The following TSHZ2 variants were observed in gnomAD, a reference collection of about 807,000 sequenced individuals.
TSHZ2 encodes the protein teashirt homolog 2.
A neutral mutation model predicts 74.4 loss-of-function variants in TSHZ2; 21 were observed. The ratio of observed to expected loss-of-function variants is 0.28; its 90% confidence interval spans 0.20 to 0.41. The LOEUF (loss-of-function observed/expected upper bound fraction) is 0.41, where lower values mean the gene tolerates loss of function less well. TSHZ2 is among the 10% of genes least tolerant of loss of function. TSHZ2 has a pLI of 1.00. For missense variants in TSHZ2, 1,244 were observed against 1,293.5 expected (o/e 0.96, Z 0.59); for synonymous variants, 540 against 515.3 (o/e 1.05, Z -0.65).
At chr20:53,200,593 G>A (rs558301309) in intron 1 of TSHZ2, among the ~76,000 whole-genome samples, 96 of 152,328 alleles carry the variant, frequency 6.3e-4, no homozygotes, top group African/African-American at 2.2e-3. Flanking sequence ...GGATGAGGAT[G>A]TTCTGTAAGA....
At chr20:53,345,356 G>A (rs531561396) in intron 2 of TSHZ2, among the ~76,000 whole-genome samples, 128 of 152,210 alleles carry the variant, frequency 8.4e-4, no homozygotes, top group African/African-American at 3.1e-3. Flanking sequence ...AGCTCTTGGT[G>A]GTTGGGAGAA....
At chr20:53,021,951 T>C (rs2123035332) in intron 1 of TSHZ2, among the ~76,000 whole-genome samples, 1 of 152,304 alleles carries the variant, frequency 6.6e-6, no homozygotes, top group Non-Finnish European at 1.5e-5. Context: ...TTTTCTTCTT[T>C]CTTCTTCCAA....
At chr20:53,023,749 TG>T (rs1335372275) in intron 1 of TSHZ2, among the ~76,000 whole-genome samples, 6 of 152,182 alleles carry the variant, frequency 3.9e-5, no homozygotes, top group Admixed American at 2.0e-4. Context: ...TATTCAAACC[TG>T]TGGGAAACAG....
At chr20:53,094,268 T>G (rs957601135) in intron 1 of TSHZ2, among the ~76,000 whole-genome samples, 17 of 152,234 alleles carry the variant, frequency 1.1e-4, no homozygotes, top group African/African-American at 4.1e-4. Flanking sequence ...AAATCCCATG[T>G]TTGATACGCT....
At chr20:53,132,489 A>G (rs1317204133) in intron 1 of TSHZ2, among the ~76,000 whole-genome samples, 1 of 152,050 alleles carries the variant, frequency 6.6e-6, no homozygotes, top group Non-Finnish European at 1.5e-5. Flanking sequence ...TATGTTGGCC[A>G]GGCTGGTCTC....
intron 2 of TSHZ2, among the ~76,000 whole-genome samples, chr20:53,373,537 T>C (rs1466955024): frequency 1.3e-5 from 2 of 152,086 alleles, no homozygotes; most frequent in Admixed American, 1.3e-4. Context: ...CTCAATCCAG[T>C]GGAAATGGGG....
At chr20:53,108,144 G>A (rs1444311519) in intron 1 of TSHZ2, among the ~76,000 whole-genome samples, 2 of 152,170 alleles carry the variant, frequency 1.3e-5, no homozygotes, top group African/African-American at 4.8e-5. Flanking sequence ...ATTTTTAAAT[G>A]CATCCCAACC....
At chr20:53,403,201 G>A (rs370716141) in intron 2 of TSHZ2, among the ~76,000 whole-genome samples, 35 of 152,162 alleles carry the variant, frequency 2.3e-4, no homozygotes, top group African/African-American at 8.4e-4. Context: ...ATGGCCTCCA[G>A]TTCCATCCAT....
At chr20:53,011,773 T>C (rs1444569388) in intron 1 of TSHZ2, among the ~76,000 whole-genome samples, 3 of 152,192 alleles carry the variant, frequency 2.0e-5, no homozygotes, top group African/African-American at 4.8e-5. Context: ...TTCTTTACAC[T>C]GGGAAAATCG....
intron 1 of TSHZ2, among the ~76,000 whole-genome samples, chr20:53,190,093 A>ATATATATATATATATG (rs2123538675): frequency 4.2e-5 from 1 of 23,988 alleles, no homozygotes; most frequent in East Asian, 1.8e-3. Flanking sequence ...TCAAATATAT[A>ATATATATATATATATG]TATATATATA....
At chr20:53,401,025 G>A (rs988167104) in intron 2 of TSHZ2, 3 of 152,204 alleles carry the variant, frequency 2.0e-5, no homozygotes, top group African/African-American at 7.2e-5. Context: ...TTTGACCAAT[G>A]AGGCTCCTGA....
At chr20:53,405,753 C>CAGG (rs1031237100) in intron 2 of TSHZ2, among the ~76,000 whole-genome samples, 5 of 152,080 alleles carry the variant, frequency 3.3e-5, no homozygotes, top group African/African-American at 1.2e-4. Flanking sequence ...GCCAGCATTT[C>CAGG]AGGAGGCCAA....
chr20:53,375,890 T>G (rs1029257299), intron 2 of TSHZ2, among the ~76,000 whole-genome samples: 11 of 152,212 alleles, frequency 7.2e-5, no homozygotes, highest in African/African-American at 2.7e-4. Flanking sequence ...CTTCATTTCT[T>G]TATTTATTAT....
intron 2 of TSHZ2, among the ~76,000 whole-genome samples, chr20:53,257,623 A>G (rs1386942634): frequency 2.6e-5 from 4 of 152,074 alleles, no homozygotes; most frequent in Non-Finnish European, 5.9e-5. Flanking sequence ...TGTTTTCTCT[A>G]CTTCTTTTTC....
chr20:53,055,347 G>C (rs2123145939), intron 1 of TSHZ2, among the ~76,000 whole-genome samples: 1 of 152,288 alleles, frequency 6.6e-6, no homozygotes, highest in Middle Eastern at 3.4e-3. Context: ...TTCAGAGTTA[G>C]GAGACAGGAC....
chr20:53,057,600 G>C (rs1437281136), intron 1 of TSHZ2, among the ~76,000 whole-genome samples: 3 of 151,576 alleles, frequency 2.0e-5, no homozygotes, highest in African/African-American at 7.3e-5. Context: ...ATGCATATTT[G>C]GTCATATCCC....
intron 2 of TSHZ2, among the ~76,000 whole-genome samples, chr20:53,315,076 G>A (rs1463439393): frequency 1.3e-5 from 2 of 152,220 alleles, no homozygotes; most frequent in South Asian, 2.1e-4. Flanking sequence ...AAAAGGAGAT[G>A]CAGACCCTAC....
At chr20:53,268,443 A>G (rs1320555352) in intron 2 of TSHZ2, among the ~76,000 whole-genome samples, 1 of 152,184 alleles carries the variant, frequency 6.6e-6, no homozygotes, top group Non-Finnish European at 1.5e-5. Flanking sequence ...CTCAAGCAGG[A>G]GGAGAAAAGA....
intron 2 of TSHZ2, among the ~76,000 whole-genome samples, chr20:53,441,704 T>TC (rs59369784): frequency 0.43 from 65,518 of 151,906 alleles, 15,869 homozygotes; most frequent in African/African-American, 0.64. Flanking sequence ...TGCCTCAGCC[T>TC]CCGAGTAGCT....
Sources: allele counts gnomAD v4.1 joint callset (sites outside exome capture counted in the v4.1 genomes callset), GRCh38; gene constraint gnomAD v4.1.1; transcripts MANE v1.5; gene names NCBI Gene and HGNC (gene_info 2026-07-23, HGNC 2026-07-21).